COL4A4: variants seen among roughly 807,000 people sequenced by gnomAD.
COL4A4 encodes the protein collagen type IV alpha 4 chain, also known as collagen alpha-4(IV) chain.
Under a neutral mutation model 192.9 loss-of-function variants are expected in COL4A4, and 105 were observed. The observed-to-expected ratio is 0.54, with a 90% confidence interval of 0.46 to 0.64. COL4A4 has a LOEUF of 0.64. COL4A4 is among the 30% of genes least tolerant of loss of function. The probability of loss-of-function intolerance (pLI) is 0.00; values close to 1 mark genes in which losing one functional copy is unlikely to be tolerated. For missense variants in COL4A4, 1,967 were observed against 2,169.3 expected, an observed-to-expected ratio of 0.91 and a Z score of 1.85; for synonymous variants, 762 against 769.9, an observed-to-expected ratio of 0.99 and a Z score of 0.17.
the COL4A4 span, among the ~76,000 whole-genome samples, chr2:226,990,038 T>G: frequency 6.6e-6 from 1 of 152,228 alleles, no homozygotes; most frequent in Non-Finnish European, 1.5e-5. Context: ...AAACCAAAAC[T>G]GAAATTTCCA....
chr2:227,145,007 G>A (rs2063455458), intron 2 of COL4A4, among the ~76,000 whole-genome samples: 1 of 152,186 alleles, frequency 6.6e-6, no homozygotes, highest in Admixed American at 6.5e-5. Flanking sequence ...ACTGGACTGG[G>A]AGGATGGTTT....
chr2:227,057,712 A>G (rs1411899656), intron 28 of COL4A4, 112 bp from the exon 29 acceptor site: 10 of 1,145,946 alleles, frequency 8.7e-6, no homozygotes, highest in East Asian at 2.5e-5. Flanking sequence ...ATCCTGAATC[A>G]GTGTTCAAAT....
At chr2:227,136,796 C>T (rs1262863988) in intron 4 of COL4A4, among the ~76,000 whole-genome samples, 1 of 152,230 alleles carries the variant, frequency 6.6e-6, no homozygotes, top group Admixed American at 6.5e-5. Context: ...AAGAGAGGAA[C>T]ACTTTCCTTC....
intron 35 of COL4A4, among the ~76,000 whole-genome samples, chr2:227,044,500 G>A (rs1327495796): frequency 6.6e-6 from 1 of 152,070 alleles, no homozygotes; most frequent in East Asian, 1.9e-4. Context: ...GTCTGTACCT[G>A]TTCCCTGATT....
At chr2:227,085,462 C>T (rs1056215028) in intron 22 of COL4A4, among the ~76,000 whole-genome samples, 6 of 152,170 alleles carry the variant, frequency 3.9e-5, no homozygotes, top group Admixed American at 1.3e-4. Context: ...ACTTTTGCTT[C>T]GCTATAAAGA....
chr2:227,160,355 C>T (rs1334414987), intron 1 of COL4A4, among the ~76,000 whole-genome samples: 1 of 152,162 alleles, frequency 6.6e-6, no homozygotes, highest in African/African-American at 2.4e-5. Flanking sequence ...CTGCCCCTTA[C>T]AGAATAAAGC....
rs2059361591 is a variant in COL4A4, at chr2:227,082,187, C to T, written c.1624G>A (p.Gly542Arg). 6.2e-7 allele frequency: 1 copy of T among 1,613,612 alleles called. No individual in the cohort carries two copies. Among genetic ancestry groups the T allele is most frequent in the Non-Finnish European group, 8.5e-7 (1 of 1,179,670 alleles). Residue 542 changes from glycine (G) to arginine (R), a missense_variant and splice_region_variant, in exon 23 of 48, where the codon GGA becomes AGA. Coordinates refer to ENST00000396625, the MANE Select transcript of COL4A4 (RefSeq NM_000092.5). Reference protein sequence around the residue: ...PGAEGPPGLPGKHGASGPPGN... With the variant: ...PGAEGPPGLPRKHGASGPPGN... ...GGTGGTCCAGAGGCACCATGCTTTC[C>T]CTTGGTGAAAAATAAGAGAAACAAA...
At chr2:227,102,558 T>C (rs1158159067) in intron 15 of COL4A4, among the ~76,000 whole-genome samples, 1 of 152,236 alleles carries the variant, frequency 6.6e-6, no homozygotes, top group African/African-American at 2.4e-5. Context: ...GGCACAATCC[T>C]GTCACTTTTC....
rs1974292320 is a variant in COL4A4, at chr2:227,052,316, G to A, written c.2957C>T (p.Pro986Leu). ...TCTTAAGTGTTTACCTCTTTCTCCT[G>A]GGAATCCATCATCTCCAGGAGGTCC... ...EPGPPGDDGF[P>L]GERGDKGTPG... The change falls in exon 32 of 48, where the codon CCA becomes CTA. Residue 986 changes from proline (P) to leucine (L), a missense_variant. Coordinates refer to ENST00000396625, the MANE Select transcript of COL4A4 (RefSeq NM_000092.5). 1.3e-6 allele frequency: 2 copies of A among 1,594,164 alleles called. No homozygotes were observed. Among genetic ancestry groups the A allele is most frequent in the Non-Finnish European group, 1.7e-6 (2 of 1,161,990 alleles).
intron 37 of COL4A4, among the ~76,000 whole-genome samples, chr2:227,034,770 T>C (rs1299731176): frequency 1.6e-5 from 2 of 125,876 alleles, no homozygotes; most frequent in African/African-American, 6.1e-5. Flanking sequence ...CCTGTGTCCA[T>C]GTGTTCTCAT....
At chr2:227,111,485 A>G (rs1301704310) in intron 9 of COL4A4, among the ~76,000 whole-genome samples, 193 bp downstream of exon 9, 1 of 152,142 alleles carries the variant, frequency 6.6e-6, no homozygotes, top group African/African-American at 2.4e-5. Context: ...GTGCAGTTAC[A>G]CAGGGCCCCA....
the COL4A4 span, among the ~76,000 whole-genome samples, chr2:226,972,789 C>T: frequency 6.6e-6 from 1 of 152,130 alleles, no homozygotes; most frequent in African/African-American, 2.4e-5. Flanking sequence ...GGGTGCCTTT[C>T]ATGAAGTCTA....
At chr2:227,106,942 T>A (rs992419958) in intron 12 of COL4A4, among the ~76,000 whole-genome samples, 12 of 152,226 alleles carry the variant, frequency 7.9e-5, no homozygotes, top group African/African-American at 2.9e-4. Flanking sequence ...ATCATTTGAA[T>A]GGCCACCTCA....
intron 35 of COL4A4, among the ~76,000 whole-genome samples, chr2:227,046,684 A>G (rs6707286): frequency 0.52 from 78,454 of 151,872 alleles, 20,586 homozygotes; most frequent in South Asian, 0.63. Context: ...AACCAATAGA[A>G]CATTCTGTCC....
At chr2:227,137,083 T>G (rs1344880287) in intron 4 of COL4A4, among the ~76,000 whole-genome samples, 1 of 152,202 alleles carries the variant, frequency 6.6e-6, no homozygotes, top group East Asian at 1.9e-4. Context: ...ACAGGCTCCC[T>G]GTTGTGGCAC....
rs752548602 is a variant in COL4A4, at chr2:227,119,956, T to C, written c.328-17A>G. On this transcript the variant is annotated splice_polypyrimidine_tract_variant and intron_variant, in intron 5 of 47. Transcript: ENST00000396625. ...AGTTGGACCCTAAAATCCCAGAAAA[T>C]AAAACAAAGAGATAAAAATTATTAA... 1.4e-5 allele frequency: 21 copies of C among 1,546,102 alleles called. No homozygotes were observed. The highest frequency in any genetic ancestry group is 1.8e-5 in the Non-Finnish European group (20 of 1,141,594).
chr2:227,048,180 G>T (rs1186864303), intron 34 of COL4A4, among the ~76,000 whole-genome samples: 1 of 152,186 alleles, frequency 6.6e-6, no homozygotes, highest in Non-Finnish European at 1.5e-5. Flanking sequence ...GGAAAGGCAA[G>T]AAAATAGATG....
At chr2:227,150,336 A>C (rs1382538102) in intron 1 of COL4A4, among the ~76,000 whole-genome samples, 2 of 152,150 alleles carry the variant, frequency 1.3e-5, no homozygotes, top group African/African-American at 4.8e-5. Flanking sequence ...TTCATTGTGC[A>C]GGAAAAAAAG....
the COL4A4 span, among the ~76,000 whole-genome samples, chr2:226,986,983 A>T: frequency 2.0e-5 from 3 of 152,254 alleles, no homozygotes; most frequent in African/African-American, 7.2e-5. Context: ...TACACCATGG[A>T]ATACTATGCA....
Sources: allele counts gnomAD v4.1 joint callset (sites outside exome capture counted in the v4.1 genomes callset), GRCh38; gene constraint gnomAD v4.1.1; transcripts MANE v1.5; gene names NCBI Gene and HGNC (gene_info 2026-07-23, HGNC 2026-07-21).